The following RNLS variants were observed in gnomAD, a reference collection of about 807,000 sequenced individuals.
The protein encoded by RNLS is renalase.
Under a neutral mutation model 39.8 loss-of-function variants are expected in RNLS, and 39 were observed. That is an observed-to-expected ratio of 0.98 (90% CI 0.76 to 1.28). The LOEUF is 1.28. Ranked by LOEUF, RNLS falls within the 50% of genes most tolerant of loss-of-function variation. The pLI is 0.00. For synonymous variants in RNLS, 147 were observed against 150.7 expected (o/e 0.98, Z 0.18); for missense variants, 410 against 413.3 (o/e 0.99, Z 0.07).
chr10:88,199,307 C>T, the RNLS span, among the ~76,000 whole-genome samples: 3 of 151,970 alleles, frequency 2.0e-5, no homozygotes, highest in Non-Finnish European at 2.9e-5. Context: ...TTGGGTGTGG[C>T]CTGGGGGGTC....
At chr10:88,217,590 A>AG in the RNLS span, among the ~76,000 whole-genome samples, 1 of 152,118 alleles carries the variant, frequency 6.6e-6, no homozygotes, top group Non-Finnish European at 1.5e-5. Flanking sequence ...AATAAAACAG[A>AG]GGGTCTCAGC....
the RNLS span, among the ~76,000 whole-genome samples, chr10:88,224,868 C>T: frequency 5.9e-5 from 9 of 152,150 alleles, no homozygotes; most frequent in Admixed American, 3.9e-4. Flanking sequence ...TATGCATTGT[C>T]TCATTTAATC....
intron 4 of RNLS, among the ~76,000 whole-genome samples, chr10:88,393,363 T>C (rs980230177): frequency 6.6e-6 from 1 of 152,012 alleles, no homozygotes; most frequent in African/African-American, 2.4e-5. Flanking sequence ...ACAAAATCAA[T>C]GTACAAAAAT....
At chr10:88,571,762 C>A (rs767210163) in intron 4 of RNLS, among the ~76,000 whole-genome samples, 9 of 152,260 alleles carry the variant, frequency 5.9e-5, no homozygotes, top group Admixed American at 3.9e-4. Context: ...CTCACATGTG[C>A]CTTTTGCTGA....
chr10:88,411,836 G>A (rs1853675665), intron 4 of RNLS, among the ~76,000 whole-genome samples: 1 of 152,118 alleles, frequency 6.6e-6, no homozygotes, highest in Admixed American at 6.6e-5. Flanking sequence ...ACATACAGAA[G>A]TTTTCCAGGC....
the RNLS span, among the ~76,000 whole-genome samples, chr10:88,208,375 A>C: frequency 1.3e-5 from 2 of 152,168 alleles, no homozygotes; most frequent in African/African-American, 4.8e-5. Context: ...TAGTATAATA[A>C]AAAAGAATAA....
intron 4 of RNLS, among the ~76,000 whole-genome samples, chr10:88,402,519 T>C (rs1409628559): frequency 6.6e-6 from 1 of 151,998 alleles, no homozygotes; most frequent in Non-Finnish European, 1.5e-5. Context: ...GTTTCTTTTT[T>C]ATAATACTAA....
chr10:88,256,326 G>A, the RNLS span, among the ~76,000 whole-genome samples: 2 of 152,184 alleles, frequency 1.3e-5, no homozygotes, highest in African/African-American at 2.4e-5. Context: ...GTTCTCCAGC[G>A]AGCATCACAA....
chr10:88,352,595 G>C (rs903326250), intron 5 of RNLS, among the ~76,000 whole-genome samples: 4 of 152,152 alleles, frequency 2.6e-5, no homozygotes, highest in Admixed American at 2.6e-4. Flanking sequence ...TGCTGGATTT[G>C]GTTTGCCAGT....
intron 6 of RNLS, among the ~76,000 whole-genome samples, chr10:88,300,901 G>C (rs954102125): frequency 3.9e-5 from 6 of 152,108 alleles, no homozygotes; most frequent in Non-Finnish European, 7.4e-5. Context: ...CTCTTTATGG[G>C]AAAGTGCTGA....
intron 4 of RNLS, among the ~76,000 whole-genome samples, chr10:88,548,716 T>A (rs1361372334): frequency 2.0e-5 from 3 of 148,060 alleles, no homozygotes; most frequent in Admixed American, 1.4e-4. Flanking sequence ...TTAATACATA[T>A]ATATTAAATA....
the RNLS span, among the ~76,000 whole-genome samples, chr10:88,209,110 CT>C: frequency 6.6e-6 from 1 of 152,024 alleles, no homozygotes; most frequent in African/African-American, 2.4e-5. Context: ...TTTTTGCTAG[CT>C]TTTATAAAAC....
At chr10:88,439,173 T>C (rs1409406940) in intron 4 of RNLS, among the ~76,000 whole-genome samples, 2 of 152,196 alleles carry the variant, frequency 1.3e-5, no homozygotes, top group East Asian at 3.8e-4. Context: ...CAAGACTCTT[T>C]TCAGTCATAA....
chr10:88,490,552 GA>G (rs1426070447), intron 4 of RNLS, among the ~76,000 whole-genome samples: 1 of 152,132 alleles, frequency 6.6e-6, no homozygotes, highest in East Asian at 1.9e-4. Flanking sequence ...CATTTTGCAG[GA>G]GTAACGTCTT....
At chr10:88,538,303 G>A (rs1847874130) in intron 4 of RNLS, among the ~76,000 whole-genome samples, 1 of 152,140 alleles carries the variant, frequency 6.6e-6, no homozygotes, top group Non-Finnish European at 1.5e-5. Flanking sequence ...TGCTAAGAAA[G>A]AACCTTATTT....
chr10:88,189,940 T>G, the RNLS span, among the ~76,000 whole-genome samples: 2 of 152,186 alleles, frequency 1.3e-5, no homozygotes, highest in Non-Finnish European at 2.9e-5. Context: ...TGAGTGCCCC[T>G]TCAGCATCCG....
intron 6 of RNLS, among the ~76,000 whole-genome samples, chr10:88,299,602 G>T (rs189219538): frequency 6.6e-6 from 1 of 152,140 alleles, no homozygotes; most frequent in Non-Finnish European, 1.5e-5. Context: ...TCCAGCCTGC[G>T]CAATAGAGCA....
intron 6 of RNLS, among the ~76,000 whole-genome samples, chr10:88,309,948 C>T (rs898198560): frequency 1.3e-5 from 2 of 152,152 alleles, no homozygotes; most frequent in Non-Finnish European, 2.9e-5. Context: ...GTGTGGTGCT[C>T]ATACTTATAA....
At chr10:88,538,498 T>C (rs1847889603) in intron 4 of RNLS, among the ~76,000 whole-genome samples, 1 of 152,196 alleles carries the variant, frequency 6.6e-6, no homozygotes, top group Non-Finnish European at 1.5e-5. Flanking sequence ...TCTTCAGAGA[T>C]TCTTCCAGAA....
Sources: allele counts gnomAD v4.1 joint callset (sites outside exome capture counted in the v4.1 genomes callset), GRCh38; gene constraint gnomAD v4.1.1; transcripts MANE v1.5; gene names NCBI Gene and HGNC (gene_info 2026-07-23, HGNC 2026-07-21).